SFXN5: variants seen among roughly 807,000 people sequenced by gnomAD.
SFXN5 encodes the protein sideroflexin 5.
Under a neutral mutation model 50.2 loss-of-function variants are expected in SFXN5, and 43 were observed. The ratio of observed to expected loss-of-function variants is 0.86; its 90% CI spans 0.67 to 1.11. SFXN5 has a LOEUF of 1.11. Among genes scored for constraint, SFXN5 ranks in the 50% least tolerant of loss-of-function variants. The pLI is 0.00. For synonymous variants in SFXN5, 203 were observed against 185.8 expected (o/e 1.09, Z -0.75); for missense variants, 463 against 454.1 (o/e 1.02, Z -0.18).
Position 72,961,329 on chromosome 2 carries a change from C to CT in SFXN5, c.828-82dup. On this transcript the variant is annotated intron_variant, in intron 12 of 13. Coordinates refer to ENST00000272433, the MANE Select transcript of SFXN5 (RefSeq NM_144579.3). This position sits in a 1 kb window ranked among gnomAD's most constrained non-coding sequence, Gnocchi z 4.4. ...GCCAGCCACCATGCTGGGTCCCACTCTGTCTCTGGGCCCAGGAAGCGTGGT... is the reference window on the plus strand; with the variant it reads ...GCCAGCCACCATGCTGGGTCCCACTCTTGTCTCTGGGCCCAGGAAGCGTGGT... 1.1e-6 allele frequency: 1 copy of CT among 929,498 alleles called. No homozygotes were observed. The highest frequency in any genetic ancestry group is 1.6e-6 in the Non-Finnish European group (1 of 640,974). The allele number at this position is 929,498 out of a possible 1,614,324, so 57.6% of individuals were successfully genotyped here. A position where few individuals can be genotyped will look rare whatever the true frequency, so the allele number is the denominator to read the frequency against.
chr2:72,953,309 C>T lies in SFXN5; in HGVS notation c.945+7822G>A, dbSNP rs1242810583. On this transcript the variant is annotated intron_variant, in intron 13 of 13. Coordinates refer to ENST00000272433, the MANE Select transcript of SFXN5 (RefSeq NM_144579.3). This position sits in a 1 kb window ranked among gnomAD's most constrained non-coding sequence, Gnocchi z 4.1. Reference sequence around the variant, plus strand: ...AGCCCACTTTAGAGTTCAGTAGGGACTGATTAAACCAGTAAATGAGAAAAA... The same window carrying T: ...AGCCCACTTTAGAGTTCAGTAGGGATTGATTAAACCAGTAAATGAGAAAAA... 6.6e-6 allele frequency among the ~76,000 whole-genome samples: 1 copy of T among 152,080 alleles called. No individual in the cohort carries two copies. The highest frequency in any genetic ancestry group is 1.5e-5 in the Non-Finnish European group (1 of 68,018).
intron 10 of SFXN5, among the ~76,000 whole-genome samples, chr2:72,972,522 G>A (rs1162848707): frequency 6.6e-6 from 1 of 152,202 alleles, no homozygotes; most frequent in Non-Finnish European, 1.5e-5. Flanking sequence ...TTGAAGTCTG[G>A]GGCCACCCAT....
At chr2:73,048,267 G>C (rs1280882631) in intron 2 of SFXN5, among the ~76,000 whole-genome samples, 3 of 152,170 alleles carry the variant, frequency 2.0e-5, no homozygotes, top group Non-Finnish European at 4.4e-5. Context: ...ACCCAGGCTG[G>C]AGTGCAGTGA....
In SFXN5 at chr2:72,988,479, C is replaced by G. The variant is rs918106132; in HGVS notation, c.535-131G>C. ...CTTTCCCCACAACTGCACCTCACAC[C>G]CCTAATCCTCAGCGTCACCTGAGGT... On this transcript the variant is annotated intron_variant, in intron 9 of 13. Coordinates refer to ENST00000272433, the MANE Select transcript of SFXN5 (RefSeq NM_144579.3). The G allele has an allele frequency of 3.4e-5, 26 of 773,028 alleles. No individual in the cohort carries two copies. The Admixed American group carries it at 5.4e-4, about 16-fold the overall frequency. 47.9% of individuals were successfully genotyped at this position (773,028 alleles called of 1,614,324 possible). A position where few individuals can be genotyped will look rare whatever the true frequency, so the allele number is the denominator to read the frequency against.
intron 6 of SFXN5, among the ~76,000 whole-genome samples, chr2:73,012,001 G>A (rs951242533): frequency 6.6e-6 from 1 of 152,072 alleles, no homozygotes; most frequent in African/African-American, 2.4e-5. Flanking sequence ...TGGAGGAGAG[G>A]GTGCCATTCA....
At position 72,973,550 on chromosome 2, in the gene SFXN5, C is replaced by G. The variant is rs1027759897; in HGVS notation, c.626-1865G>C. 5.9e-6 allele frequency: 1 copy of G among 168,844 alleles called. No homozygotes were observed. The highest frequency in any genetic ancestry group is 1.9e-4 in the East Asian group (1 of 5,214). 10.5% of individuals were successfully genotyped at this position (168,844 alleles called of 1,614,324 possible). ...GCTGACACTGAGAAACCCTTGTTTT[C>G]ACCACAGTCAGTGACAGACAGAATT... On this transcript the variant is annotated intron_variant, in intron 10 of 13. Coordinates refer to ENST00000272433, the MANE Select transcript of SFXN5 (RefSeq NM_144579.3). The surrounding 1 kb of genome is among the most constrained non-coding windows in gnomAD (Gnocchi z 5.5).
chr2:73,044,323 C>T (rs1680021801), intron 2 of SFXN5, among the ~76,000 whole-genome samples: 1 of 152,222 alleles, frequency 6.6e-6, no homozygotes. Flanking sequence ...GCTTTTCTGC[C>T]TCTGAGAGCT....
intron 6 of SFXN5, among the ~76,000 whole-genome samples, chr2:73,007,500 C>T (rs1205039635): frequency 6.6e-6 from 1 of 152,066 alleles, no homozygotes; most frequent in Admixed American, 6.6e-5. Context: ...TTAGGTCTGT[C>T]ACGCGCTCTC....
At chr2:73,020,171 C>CAAT in intron 6 of SFXN5, 68 bp downstream of exon 6, 6 of 1,429,946 alleles carry the variant, frequency 4.2e-6, no homozygotes, top group Non-Finnish European at 4.9e-6. Context: ...TACCCGTGAG[C>CAAT]AATAACATAA....
At chr2:73,065,328 T>C (rs1200022161) in intron 1 of SFXN5, among the ~76,000 whole-genome samples, 11 of 152,180 alleles carry the variant, frequency 7.2e-5, no homozygotes, top group Non-Finnish European at 2.9e-5. Context: ...CTCAAGCTCC[T>C]GGCCTCAAGC....
chr2:72,949,731 T>C (rs761678647), intron 13 of SFXN5, among the ~76,000 whole-genome samples: 46 of 152,164 alleles, frequency 3.0e-4, no homozygotes, highest in Admixed American at 9.8e-4. Context: ...TGCCAGGTCC[T>C]GCCCTATGAT....
chr2:73,049,631 A>C (rs1680978534), intron 2 of SFXN5: 1 of 151,952 alleles, frequency 6.6e-6, no homozygotes, highest in Non-Finnish European at 1.5e-5. Flanking sequence ...TAAAGATCCC[A>C]CCTCTTAATA....
At position 73,058,607 on chromosome 2, in the gene SFXN5, G is replaced by T. The variant is rs965847206; in HGVS notation, c.103-11C>A. On this transcript the variant is annotated splice_polypyrimidine_tract_variant and intron_variant, in intron 1 of 13. Coordinates refer to ENST00000272433, the MANE Select transcript of SFXN5 (RefSeq NM_144579.3). ...GCCATAGAAGGACGTCTGAAGAAGA[G>T]GATGAGAGAGAAGAGTGAATGGATC... is the stretch of plus-strand genomic sequence containing the variant. The T allele has an allele frequency of 6.2e-7, 1 of 1,613,478 alleles. No homozygotes were observed. Among genetic ancestry groups the T allele is most frequent in the Admixed American group, 1.7e-5 (1 of 60,020 alleles).
chr2:73,001,201 T>A (rs1673865175), intron 7 of SFXN5, among the ~76,000 whole-genome samples: 1 of 152,108 alleles, frequency 6.6e-6, no homozygotes, highest in South Asian at 2.1e-4. Flanking sequence ...TCACTGGCCT[T>A]GGGATGAGCA....
intron 8 of SFXN5, among the ~76,000 whole-genome samples, chr2:72,999,757 AG>A (rs1387730646): frequency 6.6e-6 from 1 of 152,166 alleles, no homozygotes; most frequent in African/African-American, 2.4e-5. Flanking sequence ...AGCAAATGTT[AG>A]GACTCTCCTC....
intron 6 of SFXN5, chr2:73,019,831 T>C (rs1215113569): frequency 6.2e-5 from 11 of 177,716 alleles, no homozygotes; most frequent in Non-Finnish European, 2.4e-5. Flanking sequence ...AACATAATCC[T>C]GATTCTAAAA....
chr2:73,052,370 G>A (rs1472896517), intron 2 of SFXN5, among the ~76,000 whole-genome samples: 1 of 148,098 alleles, frequency 6.8e-6, no homozygotes, highest in Non-Finnish European at 1.5e-5. Context: ...GTGTGTGTGT[G>A]TGTGTGTGTG....
chr2:73,058,718 T>C, intron 1 of SFXN5, 122 bp from the exon 2 acceptor site: 2 of 834,560 alleles, frequency 2.4e-6, no homozygotes, highest in East Asian at 2.7e-5. Context: ...CTCGTGTGGG[T>C]GATAAATGCC....
chr2:72,969,865 C>T (rs1559102518), intron 11 of SFXN5, among the ~76,000 whole-genome samples: 1 of 152,016 alleles, frequency 6.6e-6, no homozygotes, highest in African/African-American at 2.4e-5. Flanking sequence ...GGGCCTTGCT[C>T]CAGGGCCTCC....
Sources: allele counts gnomAD v4.1 joint callset (sites outside exome capture counted in the v4.1 genomes callset), GRCh38; gene constraint gnomAD v4.1.1; non-coding constraint Gnocchi (gnomAD v3.1); transcripts MANE v1.5; gene names NCBI Gene and HGNC (gene_info 2026-07-23, HGNC 2026-07-21).